Variants in ASIC2 observed in about 807,000 individuals in gnomAD.
ASIC2 encodes the protein acid-sensing ion channel 2.
ASIC2 carries 25 observed loss-of-function variants against 57.3 expected under a neutral mutation model. That is an observed-to-expected ratio of 0.44 (90% CI 0.32 to 0.61). The LOEUF is 0.61. ASIC2 is among the 20% of genes least tolerant of loss of function. The pLI, the probability that ASIC2 is intolerant of heterozygous loss-of-function variation, is 0.06. For missense variants in ASIC2, 641 were observed against 738.1 expected (o/e 0.87, Z 1.52); for synonymous variants, 319 against 307.5 (o/e 1.04, Z -0.39).
At chr17:33,660,781 TC>T (rs1380457366) in intron 1 of ASIC2, among the ~76,000 whole-genome samples, 1 of 152,212 alleles carries the variant, frequency 6.6e-6, no homozygotes. Flanking sequence ...GGAACCACTG[TC>T]GTTAATGCGG....
chr17:33,063,910 C>T (rs1323057771), intron 3 of ASIC2, among the ~76,000 whole-genome samples: 13 of 152,130 alleles, frequency 8.5e-5, no homozygotes, highest in African/African-American at 1.2e-4. Context: ...TTCATTCATT[C>T]GATCTTCAAT....
intron 1 of ASIC2, among the ~76,000 whole-genome samples, chr17:33,816,269 T>G (rs1039553662): frequency 6.6e-6 from 1 of 152,146 alleles, no homozygotes; most frequent in African/African-American, 2.4e-5. Context: ...CTTCTCATTC[T>G]TAATGTTCCA....
chr17:33,482,334 C>G (rs1913433469), intron 1 of ASIC2, among the ~76,000 whole-genome samples: 1 of 152,232 alleles, frequency 6.6e-6, no homozygotes, highest in African/African-American at 2.4e-5. Flanking sequence ...GCTGTTCCCT[C>G]TGTTCATATG....
intron 2 of ASIC2, among the ~76,000 whole-genome samples, chr17:33,093,601 C>T (rs1260084187): frequency 4.6e-5 from 7 of 152,086 alleles, no homozygotes; most frequent in South Asian, 2.1e-4. Flanking sequence ...GGAGTTCAGC[C>T]TGCAGAAGCC....
chr17:33,036,783 T>C (rs2091910339), intron 3 of ASIC2, among the ~76,000 whole-genome samples: 2 of 152,156 alleles, frequency 1.3e-5, no homozygotes, highest in South Asian at 4.1e-4. Context: ...TGTTCCTCTT[T>C]CTTTTCAGTT....
intron 1 of ASIC2, among the ~76,000 whole-genome samples, chr17:33,522,468 C>T (rs1323639562): frequency 3.3e-5 from 5 of 152,270 alleles, no homozygotes; most frequent in East Asian, 3.9e-4. Flanking sequence ...TAGTTCTGAC[C>T]ATGGTTGGAA....
At chr17:34,027,165 G>A (rs978007139) in intron 1 of ASIC2, among the ~76,000 whole-genome samples, 7 of 152,120 alleles carry the variant, frequency 4.6e-5, no homozygotes, top group African/African-American at 1.4e-4. Flanking sequence ...CCAAAAAAGT[G>A]GCAATTTAAT....
At chr17:33,363,117 C>T (rs1486716625) in intron 1 of ASIC2, among the ~76,000 whole-genome samples, 1 of 152,112 alleles carries the variant, frequency 6.6e-6, no homozygotes, top group Non-Finnish European at 1.5e-5. Context: ...AGAAAGTCAA[C>T]TCTTAAGTGT....
intron 1 of ASIC2, among the ~76,000 whole-genome samples, chr17:33,972,369 T>C (rs1905247950): frequency 6.6e-6 from 1 of 152,160 alleles, no homozygotes; most frequent in Non-Finnish European, 1.5e-5. Flanking sequence ...CTCTGTGGGC[T>C]CTAAACTCTA....
intron 1 of ASIC2, among the ~76,000 whole-genome samples, chr17:34,081,870 T>G (rs924734385): frequency 6.6e-6 from 1 of 152,166 alleles, no homozygotes; most frequent in Non-Finnish European, 1.5e-5. Context: ...TAGTAAGTAT[T>G]AGAGATAATT....
chr17:33,653,729 T>C (rs987487547), intron 1 of ASIC2, among the ~76,000 whole-genome samples: 1 of 152,218 alleles, frequency 6.6e-6, no homozygotes, highest in African/African-American at 2.4e-5. Context: ...ATTTGCTTCA[T>C]TTCAGAACTT....
intron 1 of ASIC2, among the ~76,000 whole-genome samples, chr17:33,179,920 A>G (rs1905909674): frequency 6.6e-6 from 1 of 152,214 alleles, no homozygotes; most frequent in Non-Finnish European, 1.5e-5. Flanking sequence ...TGTTTGTGGA[A>G]TGAAAGTAGA....
intron 1 of ASIC2, among the ~76,000 whole-genome samples, chr17:33,269,667 C>CTTCCTTCA (rs1904382402): frequency 1.3e-5 from 1 of 78,604 alleles, no homozygotes; most frequent in Non-Finnish European, 2.8e-5. Context: ...TCCTTCCTTC[C>CTTCCTTCA]TTCCTTCCCT....
chr17:33,724,264 A>G (rs1043958228), intron 1 of ASIC2, among the ~76,000 whole-genome samples: 1 of 152,142 alleles, frequency 6.6e-6, no homozygotes, highest in Non-Finnish European at 1.5e-5. Flanking sequence ...CTTTTTCTTT[A>G]TGAATCACCC....
intron 1 of ASIC2, among the ~76,000 whole-genome samples, chr17:33,656,717 C>T (rs1907089244): frequency 6.6e-6 from 1 of 152,124 alleles, no homozygotes; most frequent in Non-Finnish European, 1.5e-5. Context: ...TCATAACACC[C>T]CATGTTCCCC....
intron 2 of ASIC2, among the ~76,000 whole-genome samples, chr17:33,090,814 A>G (rs1230974434): frequency 6.6e-6 from 1 of 152,186 alleles, no homozygotes; most frequent in Non-Finnish European, 1.5e-5. Context: ...GGCTACGTGG[A>G]AAGAAAGGGC....
At chr17:33,298,705 G>T (rs1434491401) in intron 1 of ASIC2, among the ~76,000 whole-genome samples, 6 of 152,138 alleles carry the variant, frequency 3.9e-5, no homozygotes. Flanking sequence ...CTAGTTTACA[G>T]TCCCACCAAC....
chr17:33,612,051 A>T (rs1015496789), intron 1 of ASIC2, among the ~76,000 whole-genome samples: 2 of 152,172 alleles, frequency 1.3e-5, no homozygotes, highest in African/African-American at 2.4e-5. Flanking sequence ...AAGAAGACTG[A>T]TGTCCCAGCT....
At chr17:33,878,305 A>G (rs531594397) in intron 1 of ASIC2, among the ~76,000 whole-genome samples, 1 of 152,182 alleles carries the variant, frequency 6.6e-6, no homozygotes, top group Admixed American at 6.5e-5. Flanking sequence ...TGATCAAACT[A>G]CTCTGAGCTA....
Sources: allele counts gnomAD v4.1 joint callset (sites outside exome capture counted in the v4.1 genomes callset), GRCh38; gene constraint gnomAD v4.1.1; transcripts MANE v1.5; gene names NCBI Gene and HGNC (gene_info 2026-07-23, HGNC 2026-07-21).